E2F3: variants seen among roughly 807,000 people sequenced by gnomAD.
E2F3 encodes the protein transcription factor E2F3.
In E2F3, 11 loss-of-function variants were observed where a neutral mutation model predicts 44.4. The ratio of observed to expected loss-of-function variants is 0.25; its 90% confidence interval spans 0.16 to 0.41. The LOEUF is 0.41. Ranked by LOEUF, E2F3 falls within the 10% of genes least tolerant of loss-of-function variation. The pLI, the probability that E2F3 is intolerant of heterozygous loss-of-function variation, is 1.00. For missense variants in E2F3, 487 were observed against 583.6 expected, an observed-to-expected ratio of 0.83 and a Z score of 1.70; for synonymous variants, 249 against 253.0, an observed-to-expected ratio of 0.98 and a Z score of 0.15.
intron 5 of E2F3, among the ~76,000 whole-genome samples, chr6:20,487,907 C>T (rs906934351): frequency 6.6e-6 from 1 of 152,016 alleles, no homozygotes; most frequent in Non-Finnish European, 1.5e-5. Context: ...TTTACAAAGC[C>T]ACTTGGTGAA....
chr6:20,487,754 A>G (rs1432824161), intron 5 of E2F3, among the ~76,000 whole-genome samples: 1 of 152,224 alleles, frequency 6.6e-6, no homozygotes, highest in East Asian at 1.9e-4. Flanking sequence ...TGCCAGGTAG[A>G]TAGTAAATAT....
intron 1 of E2F3, among the ~76,000 whole-genome samples, chr6:20,472,513 C>T (rs975682076): frequency 2.0e-5 from 3 of 151,802 alleles, no homozygotes; most frequent in Admixed American, 6.6e-5. Context: ...ATAGCAAGAC[C>T]TCATCTCTAC....
At chr6:20,469,801 T>C (rs1302312895) in intron 1 of E2F3, among the ~76,000 whole-genome samples, 1 of 152,204 alleles carries the variant, frequency 6.6e-6, no homozygotes, top group East Asian at 1.9e-4. Context: ...TCACCAGTTA[T>C]TCTTCTCTGA....
intron 1 of E2F3, among the ~76,000 whole-genome samples, chr6:20,468,020 A>G (rs540182281): frequency 7.2e-5 from 11 of 152,132 alleles, no homozygotes; most frequent in African/African-American, 9.7e-5. Flanking sequence ...TCTGACACCA[A>G]TTCTGAAAAT....
In E2F3 at chr6:20,401,914, T is replaced by C. The variant is rs551410462; in HGVS notation, c.-319T>C. The C allele has an allele frequency of 2.5e-5, 10 of 394,838 alleles. No homozygotes were observed. Among genetic ancestry groups the C allele is most frequent in the Non-Finnish European group, 4.5e-5 (10 of 224,666 alleles). 24.5% of individuals were successfully genotyped at this position (394,838 alleles called of 1,614,324 possible). A position where few individuals can be genotyped will look rare whatever the true frequency, so the allele number is the denominator to read the frequency against. ...AGCAGCAGCTTCCTGGAGCCATTTTTCAGCTGCCGGCCGCAGCACCCGGGC... is the reference window on the plus strand; with the variant it reads ...AGCAGCAGCTTCCTGGAGCCATTTTCCAGCTGCCGGCCGCAGCACCCGGGC... On this transcript the variant is annotated 5_prime_UTR_variant, in exon 1 of 7. Transcript: ENST00000346618.
At position 20,488,223 on chromosome 6, in the gene E2F3, G is replaced by T; in HGVS notation, c.1110G>T (p.Gly370=). The change falls in exon 6 of 7, where the codon GGG becomes GGT. Residue 370 remains glycine, a synonymous_variant. Coordinates refer to ENST00000346618, the MANE Select transcript of E2F3 (RefSeq NM_001949.5). ...PMKTNNQDHN[G]NIPKPASKDL... The stretch of plus-strand genomic sequence containing the variant: ...AAACAAACAACCAAGACCACAATGG[G>T]AATATCCCTAAACCCGCTTCCAAAG... The T allele has an allele frequency of 6.2e-7, 1 of 1,605,344 alleles. No individual in the cohort carries two copies. Among genetic ancestry groups the T allele is most frequent in the Non-Finnish European group, 8.5e-7 (1 of 1,177,996 alleles).
At chr6:20,464,365 G>C (rs1286847178) in intron 1 of E2F3, among the ~76,000 whole-genome samples, 1 of 152,176 alleles carries the variant, frequency 6.6e-6, no homozygotes, top group Non-Finnish European at 1.5e-5. Context: ...GCCTAAGGGG[G>C]AGGTTATCTC....
rs1229075892 is a variant in E2F3 at position 20,492,179 on chromosome 6, G to A, written c.*1749G>A. 4.5e-6 allele frequency: 1 copy of A among 222,842 alleles called. No homozygotes were observed. Among genetic ancestry groups the A allele is most frequent in the Non-Finnish European group, 8.9e-6 (1 of 111,936 alleles). The allele number at this position is 222,842 out of a possible 1,614,324, so 13.8% of individuals were successfully genotyped here. A position where few individuals can be genotyped will look rare whatever the true frequency, so the allele number is the denominator to read the frequency against. Reference sequence around the variant, plus strand: ...AAAAAAAACACACAAAAAACCACAAGAGCCCCAGCCAGTTTACTCCAGGTA... The same window carrying A: ...AAAAAAAACACACAAAAAACCACAAAAGCCCCAGCCAGTTTACTCCAGGTA... On this transcript the variant is annotated 3_prime_UTR_variant, in exon 7 of 7. Coordinates refer to ENST00000346618, the MANE Select transcript of E2F3 (RefSeq NM_001949.5).
intron 1 of E2F3, among the ~76,000 whole-genome samples, chr6:20,472,106 G>A (rs529556849): frequency 1.9e-4 from 28 of 150,034 alleles, no homozygotes; most frequent in African/African-American, 6.6e-4. Flanking sequence ...TAACATTGGA[G>A]CTTTGTAATT....
intron 1 of E2F3, among the ~76,000 whole-genome samples, chr6:20,425,427 C>A (rs1277010034): frequency 6.7e-6 from 1 of 148,710 alleles, no homozygotes; most frequent in East Asian, 2.0e-4. Context: ...CTCGCTCTGT[C>A]ACCCAGGCTG....
At position 20,488,247 on chromosome 6, in the gene E2F3, A is replaced by T. The variant is rs778786938; in HGVS notation, c.1134A>T (p.Lys378Asn). 1 of 1,582,078 alleles carries T rather than the reference A, an allele frequency of 6.3e-7. No homozygotes were observed. Residue 378 changes from lysine (K) to asparagine (N), a missense_variant and splice_region_variant, in exon 6 of 7, where the codon AAA (lysine) becomes AAT (asparagine). By Grantham distance (94) the Lys-to-Asn change is moderately conservative. Transcript: ENST00000346618. ...GGAATATCCCTAAACCCGCTTCCAA[A>T]GGTAAAAACTCCACTTTTGTCTTTT... The part of the protein sequence containing the change: ...HNGNIPKPAS[K>N]DLASTNSGHS...
At chr6:20,486,627 T>G (rs1352082777) in intron 4 of E2F3, 62 bp from the exon 5 acceptor site, 2 of 917,686 alleles carry the variant, frequency 2.2e-6, no homozygotes, top group Non-Finnish European at 3.5e-6. Flanking sequence ...GCATCTATTT[T>G]GTCATTTTCA....
rs1025333475 is a variant in E2F3, at chr6:20,425,021, C to T, written c.393+22396C>T. Among the ~76,000 whole-genome samples the T allele has an allele frequency of 3.3e-5, 5 of 152,202 alleles. No individual in the cohort carries two copies. In the South Asian group the frequency reaches 6.2e-4, roughly 19 times the overall value. ...TTATCAGGTGTTTCTCCATGTCCTG[C>T]AGGGCGGTCAGTGGCTTTTACAGAG... On this transcript the variant is annotated intron_variant, in intron 1 of 6. Transcript: ENST00000346618.
At chr6:20,436,007 GTCTC>G (rs1413279304) in intron 1 of E2F3, among the ~76,000 whole-genome samples, 1 of 141,048 alleles carries the variant, frequency 7.1e-6, no homozygotes, top group Non-Finnish European at 1.5e-5. Context: ...CCAAGACAGA[GTCTC>G]TCTCTGTTGC....
At chr6:20,479,382 G>A (rs1303074460) in intron 1 of E2F3, among the ~76,000 whole-genome samples, 3 of 152,188 alleles carry the variant, frequency 2.0e-5, no homozygotes, top group East Asian at 3.9e-4. Context: ...CAGTAATACC[G>A]AATAAGTGTC....
Position 20,482,892 on chromosome 6 carries a change from C to G in E2F3, c.856C>G (p.Leu286Val). The G allele has an allele frequency of 6.2e-7, 1 of 1,613,864 alleles. No individual in the cohort carries two copies. Among genetic ancestry groups the G allele is most frequent in the South Asian group, 1.1e-5 (1 of 91,086 alleles). ...CCAAAGCTGCACCCTGGACCTCAAA[C>G]TGTTAACCGAGGATTCAGAGAATCA... ...LIQSCTLDLKLLTEDSENQRL... is the reference protein window; with the variant it reads ...LIQSCTLDLKVLTEDSENQRL... The change falls in exon 4 of 7, where the codon CTG becomes GTG. Residue 286 changes from leucine to valine, a missense_variant. Transcript: ENST00000346618.
intron 1 of E2F3, chr6:20,440,096 A>G (rs1760724546): frequency 6.6e-6 from 1 of 152,064 alleles, no homozygotes; most frequent in African/African-American, 2.4e-5. Context: ...CCTTTGTCAT[A>G]CTTTCTTGCA....
Position 20,491,035 on chromosome 6 carries a change from C to T in E2F3, c.*605C>T. 4.4e-6 allele frequency: 1 copy of T among 228,888 alleles called. No individual in the cohort carries two copies. The highest frequency in any genetic ancestry group is 8.7e-6 in the Non-Finnish European group (1 of 114,992). 14.2% of individuals were successfully genotyped at this position (228,888 alleles called of 1,614,324 possible). On this transcript the variant is annotated 3_prime_UTR_variant, in exon 7 of 7. Coordinates refer to ENST00000346618, the MANE Select transcript of E2F3 (RefSeq NM_001949.5). ...TGTCCCAGTAGGAGGTCAAGAAAAC[C>T]TCCACAGCCTTCTGGATGAAGAACC...
chr6:20,461,906 C>T (rs945261714), intron 1 of E2F3, among the ~76,000 whole-genome samples: 5 of 152,220 alleles, frequency 3.3e-5, no homozygotes, highest in Admixed American at 1.3e-4. Context: ...ATCAGTTTCT[C>T]GTATTTTCAG....
Sources: allele counts gnomAD v4.1 joint callset (sites outside exome capture counted in the v4.1 genomes callset), GRCh38; gene constraint gnomAD v4.1.1; transcripts MANE v1.5; gene names NCBI Gene and HGNC (gene_info 2026-07-23, HGNC 2026-07-21).